Variants in ANKRD27 observed in about 807,000 individuals in gnomAD.
The protein encoded by ANKRD27 is ankyrin repeat domain-containing protein 27.
Under a neutral mutation model 129.7 loss-of-function variants are expected in ANKRD27, and 112 were observed. That is an observed-to-expected ratio of 0.86 (90% CI 0.74 to 1.01). The LOEUF is 1.01. ANKRD27 is among the 50% of genes least tolerant of loss of function. The pLI, the probability that ANKRD27 is intolerant of heterozygous loss-of-function variation, is 0.00. For missense variants in ANKRD27, 1,258 were observed against 1,300.5 expected (o/e 0.97, Z 0.50); for synonymous variants, 516 against 511.2 (o/e 1.01, Z -0.13).
rs372658967 is a variant in ANKRD27, at chr19:32,612,656, T to C, written c.2175+3002A>G. On this transcript the variant is annotated intron_variant, in intron 22 of 28. Coordinates refer to ENST00000306065, the MANE Select transcript of ANKRD27 (RefSeq NM_032139.3). The stretch of plus-strand genomic sequence containing the variant: ...AGAACCCAGAAATAGATCCACACAA[T>C]CTATAGCCAACTGAGGTGCAAAGGC... Among the ~76,000 whole-genome samples, 13 of 152,092 alleles carry C rather than the reference T, an allele frequency of 8.5e-5. No homozygotes were observed. In the South Asian group the frequency reaches 2.7e-3, roughly 32 times the overall value.
At chr19:32,663,647 G>C (rs1011827827) in intron 1 of ANKRD27, among the ~76,000 whole-genome samples, 3 of 152,128 alleles carry the variant, frequency 2.0e-5, no homozygotes, top group African/African-American at 7.2e-5. Context: ...TGTTTAGCCT[G>C]TTTCCAGGCT....
At chr19:32,617,985 C>A (rs75972115) in intron 20 of ANKRD27, among the ~76,000 whole-genome samples, 1 of 151,772 alleles carries the variant, frequency 6.6e-6, no homozygotes, top group Non-Finnish European at 1.5e-5. Context: ...CTCAAACTCC[C>A]GACCTCAGGT....
At chr19:32,666,639 CTATTTTTTTTT>C (rs755970528) in intron 1 of ANKRD27, among the ~76,000 whole-genome samples, 1 of 112,020 alleles carries the variant, frequency 8.9e-6, no homozygotes, top group South Asian at 2.9e-4. Context: ...AATCAGATTT[CTATTTTTTTTT>C]TTTTTTTTTT....
chr19:32,669,915 G>A (rs896764489), intron 1 of ANKRD27, among the ~76,000 whole-genome samples: 2 of 150,666 alleles, frequency 1.3e-5, no homozygotes, highest in Admixed American at 1.3e-4. Flanking sequence ...AGAATTGCTT[G>A]AACCTAAGAA....
intron 1 of ANKRD27, chr19:32,672,721 A>G (rs1599782565): frequency 1.3e-5 from 2 of 152,344 alleles, no homozygotes; most frequent in African/African-American, 2.4e-5. Flanking sequence ...GAGGAGCACA[A>G]CAGCCCCTCC....
chr19:32,601,154 C>G (rs1971646757), intron 26 of ANKRD27, among the ~76,000 whole-genome samples: 1 of 151,380 alleles, frequency 6.6e-6, no homozygotes, highest in African/African-American at 2.4e-5. Flanking sequence ...CAAAAATTAG[C>G]CAGGCATGGT....
chr19:32,615,625 C>A, intron 22 of ANKRD27, 33 bp downstream of exon 22: 1 of 1,614,070 alleles, frequency 6.2e-7, no homozygotes, highest in African/African-American at 1.3e-5. Context: ...TGCCTACATT[C>A]CCTGACCTCC....
intron 2 of ANKRD27, among the ~76,000 whole-genome samples, chr19:32,651,881 C>G (rs912130102): frequency 2.6e-5 from 4 of 152,196 alleles, no homozygotes; most frequent in African/African-American, 9.7e-5. Context: ...TCAGGACCAA[C>G]CCTTCCCCCA....
At chr19:32,627,214 C>A (rs961637752) in intron 15 of ANKRD27, among the ~76,000 whole-genome samples, 1 of 151,984 alleles carries the variant, frequency 6.6e-6, no homozygotes, top group South Asian at 2.1e-4. Flanking sequence ...TATTATGAGC[C>A]CTAGAGCACC....
chr19:32,598,903 A>C (rs1413831265), intron 28 of ANKRD27, among the ~76,000 whole-genome samples: 1 of 152,190 alleles, frequency 6.6e-6, no homozygotes, highest in Non-Finnish European at 1.5e-5. Context: ...ATAAATTCTC[A>C]TCAGCAACAA....
chr19:32,615,050 G>C (rs1971893989), intron 22 of ANKRD27, among the ~76,000 whole-genome samples: 1 of 152,182 alleles, frequency 6.6e-6, no homozygotes, highest in African/African-American at 2.4e-5. Context: ...GGGGGCTTTA[G>C]GTACCTGGAA....
Position 32,607,811 on chromosome 19 carries a change from T to TG in ANKRD27, c.2196dup (p.Ser733GlnfsTer73). On this transcript the variant is annotated frameshift_variant, in exon 23 of 29. Coordinates refer to ENST00000306065, the MANE Select transcript of ANKRD27 (RefSeq NM_032139.3). LOFTEE classifies it high-confidence loss of function. The stretch of plus-strand genomic sequence containing the variant: ...CTGGTCACGTTCACACCAAGCCCAC[T>TG]GGCAGGAACCTTCGCCAGCCTCTGG... The TG allele has an allele frequency of 6.2e-7, 1 of 1,604,412 alleles. No individual in the cohort carries two copies. The highest frequency in any genetic ancestry group is 8.5e-7 in the Non-Finnish European group (1 of 1,176,610).
rs1191855553 is a variant in ANKRD27, at chr19:32,599,770, CT to C, written c.2852del (p.Lys951ArgfsTer16). On this transcript the variant is annotated frameshift_variant, in exon 28 of 29. Transcript: ENST00000306065. LOFTEE classifies it high-confidence loss of function. Reference sequence around the variant, plus strand: ...CTCTTGCCATAATCTCCCTTGAAGTCTTTCCCCTAAAACCCAAAATAAACGA... The same window carrying C: ...CTCTTGCCATAATCTCCCTTGAAGTCTTCCCCTAAAACCCAAAATAAACGA... ...FVHSAGQFKG[K>X]TSREIMARDR... The C allele has an allele frequency of 1.2e-6, 2 of 1,613,234 alleles. No homozygotes were observed. Among genetic ancestry groups the C allele is most frequent in the Non-Finnish European group, 1.7e-6 (2 of 1,179,840 alleles).
intron 12 of ANKRD27, chr19:32,636,601 G>A (rs1967094469): frequency 6.6e-6 from 1 of 151,754 alleles, no homozygotes; most frequent in Non-Finnish European, 1.5e-5. Flanking sequence ...TTTATGGGAA[G>A]TTTTTGTTGT....
In ANKRD27 at chr19:32,646,456, T is replaced by C. The variant is rs1357110300; in HGVS notation, c.370+3A>G. 1 of 1,598,574 alleles carries C rather than the reference T, an allele frequency of 6.3e-7. No homozygotes were observed. Among genetic ancestry groups the C allele is most frequent in the South Asian group, 1.1e-5 (1 of 88,942 alleles). On this transcript the variant is annotated splice_donor_region_variant and intron_variant, in intron 4 of 28. Transcript: ENST00000306065. ...GAGAAAAAGGTTTTTTCTCCCAGAATACCTGAACTCTCTCTCTTTTCCAAA... is the reference window on the plus strand; with the variant it reads ...GAGAAAAAGGTTTTTTCTCCCAGAACACCTGAACTCTCTCTCTTTTCCAAA...
At chr19:32,668,771 G>C (rs773871334) in intron 1 of ANKRD27, among the ~76,000 whole-genome samples, 14 of 151,678 alleles carry the variant, frequency 9.2e-5, no homozygotes, top group Non-Finnish European at 1.2e-4. Flanking sequence ...TTTCAGTACA[G>C]ATGGGGTCTC....
intron 22 of ANKRD27, 57 bp from the exon 23 acceptor site, chr19:32,607,889 G>A (rs1971771619): frequency 3.3e-6 from 5 of 1,527,244 alleles, no homozygotes; most frequent in Non-Finnish European, 4.4e-6. Flanking sequence ...AAACTGGGCT[G>A]GAGTGATTGG....
At chr19:32,640,467 C>G in intron 10 of ANKRD27, 82 bp from the exon 11 acceptor site, 1 of 1,119,868 alleles carries the variant, frequency 8.9e-7, no homozygotes, top group Non-Finnish European at 1.4e-6. Context: ...CCACCGCACA[C>G]CTTGTGAAAC....
chr19:32,673,549 C>G (rs1243486000), intron 1 of ANKRD27: 10 of 626,296 alleles, frequency 1.6e-5, no homozygotes, highest in Non-Finnish European at 2.0e-5. Flanking sequence ...AGCTTCCTCA[C>G]CCTCTGCTGT....
Sources: allele counts gnomAD v4.1 joint callset (sites outside exome capture counted in the v4.1 genomes callset), GRCh38; gene constraint gnomAD v4.1.1; transcripts MANE v1.5; gene names NCBI Gene and HGNC (gene_info 2026-07-23, HGNC 2026-07-21).